C1QTNF3: variants seen among roughly 807,000 people sequenced by gnomAD.
C1QTNF3 encodes C1q and TNF related 3, also known as complement C1q tumor necrosis factor-related protein 3.
C1QTNF3 carries 26 observed loss-of-function variants against 32.6 expected under a neutral mutation model. The ratio of observed to expected loss-of-function variants is 0.80; its 90% CI spans 0.58 to 1.11. The LOEUF (loss-of-function observed/expected upper bound fraction) is 1.11. Ranked by LOEUF, C1QTNF3 falls within the 50% of genes least tolerant of loss-of-function variation. The probability of loss-of-function intolerance (pLI) is 0.00; values close to 1 mark genes in which losing one functional copy is unlikely to be tolerated. For missense variants in C1QTNF3, 362 were observed against 398.2 expected (o/e 0.91, Z 0.77); for synonymous variants, 155 against 146.0 (o/e 1.06, Z -0.44).
the C1QTNF3 span, among the ~76,000 whole-genome samples, chr5:34,062,116 G>A: frequency 1.3e-5 from 2 of 152,124 alleles, no homozygotes; most frequent in Admixed American, 1.3e-4. Context: ...GGTCTCTAGG[G>A]CAGGGCAAAA....
chr5:34,170,614 A>G, the C1QTNF3 span, among the ~76,000 whole-genome samples: 3 of 152,168 alleles, frequency 2.0e-5, no homozygotes, highest in African/African-American at 7.2e-5. Flanking sequence ...CCCTTCAAAT[A>G]GCTGTTAATA....
At chr5:34,134,900 GA>G in the C1QTNF3 span, among the ~76,000 whole-genome samples, 2 of 152,050 alleles carry the variant, frequency 1.3e-5, no homozygotes, top group African/African-American at 4.8e-5. Flanking sequence ...TTTCCTAATT[GA>G]ATACCCTTTA....
At chr5:34,087,546 G>A in the C1QTNF3 span, among the ~76,000 whole-genome samples, 2 of 144,500 alleles carry the variant, frequency 1.4e-5, no homozygotes, top group Non-Finnish European at 3.0e-5. Flanking sequence ...CAATGGCTAA[G>A]CATTTCAGTA....
At chr5:34,043,362 C>T (rs561742513), upstream of C1QTNF3, 16 of 528,076 alleles carry the variant, frequency 3.0e-5, no homozygotes, top group Non-Finnish European at 5.4e-5. Context: ...TTTGTGTGCA[C>T]AGTTCCCAGT....
the C1QTNF3 span, chr5:34,167,528 C>T: frequency 1.3e-5 from 2 of 152,330 alleles, no homozygotes; most frequent in African/African-American, 4.8e-5. Flanking sequence ...TCTGATTAGT[C>T]CACTTAAAAA....
At chr5:34,144,461 G>A in the C1QTNF3 span, among the ~76,000 whole-genome samples, 1 of 152,136 alleles carries the variant, frequency 6.6e-6, no homozygotes, top group African/African-American at 2.4e-5. Context: ...ACTCCACCCA[G>A]CAACCACAGA....
chr5:34,048,495 G>T, the C1QTNF3 span, among the ~76,000 whole-genome samples: 1 of 152,098 alleles, frequency 6.6e-6, no homozygotes, highest in East Asian at 1.9e-4. Flanking sequence ...GGGAGAGGCT[G>T]GTGTCATCTG....
intron 3 of C1QTNF3, among the ~76,000 whole-genome samples, chr5:34,032,317 G>A (rs896027085): frequency 1.2e-4 from 19 of 152,292 alleles, no homozygotes; most frequent in Non-Finnish European, 2.8e-4. Flanking sequence ...TTAAAAGAGA[G>A]AGAAAGAATA....
chr5:34,108,466 T>A, the C1QTNF3 span, among the ~76,000 whole-genome samples: 25 of 152,268 alleles, frequency 1.6e-4, no homozygotes, highest in South Asian at 5.0e-3. Flanking sequence ...TAAACAACCT[T>A]CTATCTTCAG....
the C1QTNF3 span, among the ~76,000 whole-genome samples, chr5:34,222,907 A>C: frequency 1.2e-3 from 185 of 152,064 alleles, no homozygotes; most frequent in African/African-American, 4.0e-3. Flanking sequence ...AAATATTATA[A>C]TACTAATGAG....
the C1QTNF3 span, among the ~76,000 whole-genome samples, chr5:34,067,520 G>C: frequency 1.3e-5 from 2 of 152,222 alleles, no homozygotes; most frequent in Non-Finnish European, 2.9e-5. Context: ...CAGGCGAAGA[G>C]AGGAAACTTG....
chr5:34,074,154 T>C, the C1QTNF3 span, among the ~76,000 whole-genome samples: 1 of 152,230 alleles, frequency 6.6e-6, no homozygotes, highest in African/African-American at 2.4e-5. Flanking sequence ...ATTATTGTAC[T>C]GGTGAGAAAA....
chr5:34,125,906 A>G, the C1QTNF3 span, among the ~76,000 whole-genome samples: 1 of 152,194 alleles, frequency 6.6e-6, no homozygotes, highest in Non-Finnish European at 1.5e-5. Flanking sequence ...CAAAAAGAGG[A>G]AAGAATTATT....
At chr5:34,056,479 T>TATATATATATATATAGAG in the C1QTNF3 span, among the ~76,000 whole-genome samples, 1 of 51,776 alleles carries the variant, frequency 1.9e-5, no homozygotes, top group Non-Finnish European at 3.4e-5. Context: ...TATATATATA[T>TATATATATATATATAGAG]AGAGAGAGAG....
chr5:34,171,764 T>C, the C1QTNF3 span, among the ~76,000 whole-genome samples: 1,765 of 152,308 alleles, frequency 0.012, 10 homozygotes, highest in Non-Finnish European at 0.019. Context: ...ATCTTATTAT[T>C]TGTATAGTAT....
At chr5:34,028,925 TA>T in intron 3 of C1QTNF3, 42 bp from the exon 4 acceptor site, 2 of 1,577,400 alleles carry the variant, frequency 1.3e-6, no homozygotes, top group Non-Finnish European at 1.7e-6. Flanking sequence ...CAATTTATCT[TA>T]AAGAAGTCAA....
At chr5:34,079,395 A>G in the C1QTNF3 span, among the ~76,000 whole-genome samples, 1 of 151,596 alleles carries the variant, frequency 6.6e-6, no homozygotes, top group Non-Finnish European at 1.5e-5. Context: ...TGAGAAATTC[A>G]TATTTTTTTC....
the C1QTNF3 span, among the ~76,000 whole-genome samples, chr5:34,201,426 TTA>T: frequency 6.6e-6 from 1 of 152,126 alleles, no homozygotes; most frequent in African/African-American, 2.4e-5. Context: ...ACGCTCTACT[TTA>T]TATGAGACAA....
At chr5:34,171,174 T>A in the C1QTNF3 span, among the ~76,000 whole-genome samples, 1 of 152,034 alleles carries the variant, frequency 6.6e-6, no homozygotes, top group East Asian at 1.9e-4. Context: ...TTTGCTTGAC[T>A]CATTCTGAAT....
Sources: gnomAD v4.1 joint callset for allele counts (sites outside exome capture counted in the v4.1 genomes callset) on GRCh38, gnomAD v4.1.1 for gene constraint, MANE v1.5 for transcripts, NCBI Gene and HGNC (gene_info 2026-07-23, HGNC 2026-07-21) for gene names.